FBXL13: variants seen among roughly 807,000 people sequenced by gnomAD.
FBXL13 encodes F-box and leucine rich repeat protein 13, also known as F-box and leucine-rich repeat protein 13.
Under a neutral mutation model 83.6 loss-of-function variants are expected in FBXL13, and 67 were observed. The ratio of observed to expected loss-of-function variants is 0.80; its 90% CI spans 0.66 to 0.98. The LOEUF is 0.98. Ranked by LOEUF, FBXL13 falls within the 50% of genes least tolerant of loss-of-function variation. The pLI is 0.00. For synonymous variants in FBXL13, 272 were observed against 299.5 expected (o/e 0.91, Z 0.95); for missense variants, 822 against 866.5 (o/e 0.95, Z 0.64).
At chr7:102,817,383 T>G (rs1408770268) in intron 19 of FBXL13, among the ~76,000 whole-genome samples, 1 of 152,182 alleles carries the variant, frequency 6.6e-6, no homozygotes, top group Non-Finnish European at 1.5e-5. Context: ...TTTTCATATT[T>G]TTGTTGGCCA....
At chr7:103,002,738 C>A (rs1226653437) in intron 6 of FBXL13, among the ~76,000 whole-genome samples, 1 of 152,216 alleles carries the variant, frequency 6.6e-6, no homozygotes, top group Non-Finnish European at 1.5e-5. Flanking sequence ...CCCACTCCCT[C>A]CTGGCCTATA....
intron 6 of FBXL13, among the ~76,000 whole-genome samples, chr7:103,021,018 T>C (rs184585296): frequency 2.0e-3 from 297 of 152,294 alleles, no homozygotes; most frequent in African/African-American, 6.7e-3. Flanking sequence ...AGAGCCCACA[T>C]TGCCAAGACA....
intron 10 of FBXL13, among the ~76,000 whole-genome samples, chr7:102,924,641 C>CTTTT (rs71106699): frequency 2.5e-5 from 3 of 121,042 alleles, no homozygotes; most frequent in Non-Finnish European, 1.7e-5. Context: ...GTAAGCTTTT[C>CTTTT]TTTTTTTTTT....
chr7:103,020,472 C>T (rs888321337), intron 6 of FBXL13, among the ~76,000 whole-genome samples: 1 of 152,086 alleles, frequency 6.6e-6, no homozygotes, highest in South Asian at 2.1e-4. Context: ...AAGTTCTGGC[C>T]AGGGCAATCA....
intron 6 of FBXL13, among the ~76,000 whole-genome samples, chr7:103,018,616 G>C (rs1294668034): frequency 6.6e-6 from 1 of 152,040 alleles, no homozygotes; most frequent in Non-Finnish European, 1.5e-5. Context: ...TCAAAATAAA[G>C]GGATGGAGGA....
At chr7:102,836,714 A>G (rs1802052764) in intron 17 of FBXL13, among the ~76,000 whole-genome samples, 1 of 152,200 alleles carries the variant, frequency 6.6e-6, no homozygotes, top group Non-Finnish European at 1.5e-5. Context: ...TTCTGAGCTG[A>G]GTCACAGTGT....
intron 11 of FBXL13, among the ~76,000 whole-genome samples, chr7:102,887,070 G>A (rs10241865): frequency 0.48 from 72,939 of 152,002 alleles, 19,612 homozygotes; most frequent in African/African-American, 0.74. Flanking sequence ...CGTATGATGG[G>A]GTGCAATACA....
chr7:102,892,793 T>G (rs905843177), intron 11 of FBXL13, among the ~76,000 whole-genome samples: 1 of 152,238 alleles, frequency 6.6e-6, no homozygotes, highest in Non-Finnish European at 1.5e-5. Context: ...ATTAGCATTA[T>G]CTATGTTCTT....
chr7:102,859,088 T>C (rs945370894), intron 16 of FBXL13, among the ~76,000 whole-genome samples: 5 of 152,222 alleles, frequency 3.3e-5, no homozygotes, highest in African/African-American at 1.2e-4. Flanking sequence ...TACAGCATCC[T>C]TAAGTCCAAG....
chr7:102,813,399 T>A, exon 20 of FBXL13: 1 of 1,614,126 alleles, frequency 6.2e-7, no homozygotes. Flanking sequence ...ATTCTAAGGC[T>A]CCTTTAGATG....
intron 8 of FBXL13, among the ~76,000 whole-genome samples, chr7:102,954,604 G>T (rs1823955612): frequency 6.6e-6 from 1 of 152,156 alleles, no homozygotes; most frequent in Non-Finnish European, 1.5e-5. Context: ...TGGCAAATTG[G>T]ATAAAGAGTC....
At chr7:102,990,888 T>C (rs552202717) in intron 6 of FBXL13, among the ~76,000 whole-genome samples, 3 of 152,306 alleles carry the variant, frequency 2.0e-5, no homozygotes, top group African/African-American at 7.2e-5. Context: ...AGAATGCAGC[T>C]GAGAGGTAGT....
chr7:102,993,293 T>C (rs776745659), intron 6 of FBXL13, among the ~76,000 whole-genome samples: 9 of 152,230 alleles, frequency 5.9e-5, no homozygotes, highest in Admixed American at 2.0e-4. Context: ...TCTGGCTCTT[T>C]TACAACATGG....
At position 102,813,380 on chromosome 7, in the gene FBXL13, T is replaced by TC; in HGVS notation, c.2169dup (p.Lys724GlufsTer8). The TC allele has an allele frequency of 6.2e-7, 1 of 1,613,992 alleles. No homozygotes were observed. Among genetic ancestry groups the TC allele is most frequent in the Non-Finnish European group, 8.5e-7 (1 of 1,179,938 alleles). On this transcript the variant is annotated frameshift_variant, in exon 20 of 20. Transcript: ENST00000313221. LOFTEE classifies it low-confidence loss of function (END_TRUNC). ...TCTTCACTGCTGTATGTTGACTTTT[T>TC]CACTGTTAATTCTAAGGCTCCTTTA...
chr7:102,848,955 G>A (rs1263727901), intron 17 of FBXL13, among the ~76,000 whole-genome samples: 2 of 152,100 alleles, frequency 1.3e-5, no homozygotes, highest in Non-Finnish European at 2.9e-5. Context: ...AGTCGAGATC[G>A]TGCCATTGCA....
chr7:102,894,552 G>A (rs1021796067), intron 11 of FBXL13, among the ~76,000 whole-genome samples: 12 of 151,584 alleles, frequency 7.9e-5, no homozygotes, highest in African/African-American at 2.7e-4. Context: ...ATTGAGACCC[G>A]TCTCTAGAAA....
At chr7:102,918,790 T>C (rs1255353823) in intron 10 of FBXL13, among the ~76,000 whole-genome samples, 1 of 152,130 alleles carries the variant, frequency 6.6e-6, no homozygotes, top group African/African-American at 2.4e-5. Flanking sequence ...AAAAAATGGC[T>C]CCCAAATCAT....
At chr7:103,063,751 C>A (rs1798141483) in intron 1 of FBXL13, among the ~76,000 whole-genome samples, 1 of 125,766 alleles carries the variant, frequency 8.0e-6, no homozygotes, top group African/African-American at 2.9e-5. Flanking sequence ...GACAGTCTCT[C>A]ACTATGTTGC....
At chr7:103,053,202 AAGC>A (rs575645920) in intron 2 of FBXL13, among the ~76,000 whole-genome samples, 2 of 151,378 alleles carry the variant, frequency 1.3e-5, no homozygotes, top group Non-Finnish European at 2.9e-5. Context: ...GCCCAGGCTG[AAGC>A]ACAGTGGCGC....
Sources: gnomAD v4.1 joint callset for allele counts (sites outside exome capture counted in the v4.1 genomes callset) on GRCh38, gnomAD v4.1.1 for gene constraint, MANE v1.5 for transcripts, NCBI Gene and HGNC (gene_info 2026-07-23, HGNC 2026-07-21) for gene names.